Variants in EFTUD2 observed in about 807,000 individuals in gnomAD.
EFTUD2 encodes 116 kDa U5 small nuclear ribonucleoprotein component.
EFTUD2 carries 9 observed loss-of-function variants against 114.3 expected under a neutral mutation model. The ratio of observed to expected loss-of-function variants is 0.08; its 90% CI spans 0.05 to 0.14. The LOEUF (loss-of-function observed/expected upper bound fraction) is 0.14, where lower values mean the gene tolerates loss of function less well. Among genes scored for constraint, EFTUD2 ranks in the 10% least tolerant of loss-of-function variants. The pLI, the probability that EFTUD2 is intolerant of heterozygous loss-of-function variation, is 1.00. For synonymous variants in EFTUD2, 449 were observed against 462.3 expected (o/e 0.97, Z 0.37); for missense variants, 765 against 1,241.2 (o/e 0.62, Z 5.76).
At chr17:44,856,403 G>A (rs2050555058) in intron 20 of EFTUD2, among the ~76,000 whole-genome samples, 1 of 151,896 alleles carries the variant, frequency 6.6e-6, no homozygotes, top group South Asian at 2.1e-4. Context: ...GGTGGTGCGT[G>A]CATGTAATCC....
rs17628363 is a variant in EFTUD2, at chr17:44,879,430, T to C, written c.702+126A>G. On this transcript the variant is annotated intron_variant, in intron 9 of 27. Coordinates refer to ENST00000426333, the MANE Select transcript of EFTUD2 (RefSeq NM_004247.4). Reference sequence around the variant, plus strand: ...TTGCTGCTTTAATTTTAGAGCAAATTTGAGCCTTAATCCCAGAGAGTTTCA... The same window carrying C: ...TTGCTGCTTTAATTTTAGAGCAAATCTGAGCCTTAATCCCAGAGAGTTTCA... 0.11 allele frequency: 100,977 copies of C among 915,180 alleles called. 6,021 individuals are homozygous for C. The highest frequency in any genetic ancestry group is 0.22 in the Middle Eastern group (763 of 3,512). The allele number at this position is 915,180 out of a possible 1,614,324, so 56.7% of individuals were successfully genotyped here.
At position 44,860,429 on chromosome 17, in the gene EFTUD2, T is replaced by C. The variant is rs2050634764; in HGVS notation, c.1719+3A>G. ...ACCCAGTTGGTCTCTTCAGAAACTC[T>C]ACCTCCTCATTGCCTCGGGGTTCGG... On this transcript the variant is annotated splice_donor_region_variant and intron_variant, in intron 17 of 27. Transcript: ENST00000426333. The C allele has an allele frequency of 6.2e-7, 1 of 1,611,148 alleles. No individual in the cohort carries two copies. Among genetic ancestry groups the C allele is most frequent in the Non-Finnish European group, 8.5e-7 (1 of 1,177,464 alleles).
intron 3 of EFTUD2, among the ~76,000 whole-genome samples, chr17:44,885,933 A>G (rs1179223803): frequency 6.6e-6 from 1 of 151,938 alleles, no homozygotes; most frequent in Non-Finnish European, 1.5e-5. Flanking sequence ...CCAGCCTATG[A>G]AAACTATTAA....
intron 19 of EFTUD2, 135 bp downstream of exon 19, chr17:44,858,945 A>T (rs970239799): frequency 3.0e-6 from 2 of 672,678 alleles, no homozygotes; most frequent in Non-Finnish European, 5.4e-6. Context: ...ACCTTCCCAT[A>T]TAAGGAGCAA....
chr17:44,881,778 G>C, intron 6 of EFTUD2, 56 bp from the exon 7 acceptor site: 2 of 1,547,084 alleles, frequency 1.3e-6, no homozygotes, highest in Middle Eastern at 1.7e-4. Flanking sequence ...TCCCACAAAC[G>C]AACCATCAAT....
chr17:44,856,555 A>G (rs1200139653), intron 20 of EFTUD2, among the ~76,000 whole-genome samples: 1 of 150,426 alleles, frequency 6.6e-6, no homozygotes, highest in Non-Finnish European at 1.5e-5. Flanking sequence ...AGTAAGGTTT[A>G]AGCTGGGCAT....
rs924099235 is a variant in EFTUD2, at chr17:44,849,992, GCTAA to G, written c.*1278_*1281del. 1.7e-4 allele frequency: 39 copies of G among 230,868 alleles called. No individual in the cohort carries two copies. In the Admixed American group the frequency reaches 1.8e-3, roughly 11 times the overall value. The allele number at this position is 230,868 out of a possible 1,614,324, so 14.3% of individuals were successfully genotyped here. A position where few individuals can be genotyped will look rare whatever the true frequency, so the allele number is the denominator to read the frequency against. The stretch of plus-strand genomic sequence containing the variant: ...GAGATTAAAAAGCAGACAGCCACTT[GCTAA>G]CTGTGTGACAGTGGACAAATCTTTC... On this transcript the variant is annotated 3_prime_UTR_variant, in exon 28 of 28. Transcript: ENST00000426333.
chr17:44,863,187 T>C (rs982808356), intron 15 of EFTUD2: 5 of 323,948 alleles, frequency 1.5e-5, no homozygotes, highest in South Asian at 1.0e-4. Flanking sequence ...ATTGGCAAGA[T>C]TACTTACTGT....
chr17:44,852,226 CTT>C (rs879900558), intron 26 of EFTUD2, among the ~76,000 whole-genome samples, 181 bp downstream of exon 26: 12 of 145,010 alleles, frequency 8.3e-5, no homozygotes, highest in Admixed American at 1.4e-4. Flanking sequence ...CCTATTATTT[CTT>C]TTTTTTTTTT....
intron 26 of EFTUD2, among the ~76,000 whole-genome samples, chr17:44,852,019 G>A (rs576023888): frequency 1.3e-5 from 2 of 152,178 alleles, no homozygotes; most frequent in African/African-American, 4.8e-5. Context: ...CCGGGTTCAA[G>A]CGATTCTCCT....
intron 25 of EFTUD2, 109 bp from the exon 26 acceptor site, chr17:44,852,671 C>G (rs956569775): frequency 1.5e-6 from 2 of 1,326,194 alleles, no homozygotes; most frequent in Non-Finnish European, 2.1e-6. Context: ...GAGTTACCAT[C>G]AAAGAAAGAG....
At position 44,862,802 on chromosome 17, in the gene EFTUD2, A is replaced by G; in HGVS notation, c.1518T>C (p.Pro506=). 1 of 1,614,134 alleles carries G rather than the reference A, an allele frequency of 6.2e-7. No individual in the cohort carries two copies. Residue 506 remains proline, a synonymous_variant, in exon 16 of 28, where the codon CCT becomes CCC. Coordinates refer to ENST00000426333, the MANE Select transcript of EFTUD2 (RefSeq NM_004247.4). Reference sequence around the variant, plus strand: ...TGTAGTTCTCCCCCAGTACCTTCACAGGCTGCCCAGCATGAATGGTGCCAC... The same window carrying G: ...TGTAGTTCTCCCCCAGTACCTTCACGGGCTGCCCAGCATGAATGGTGCCAC... ...VLSGTIHAGQ[P]VKVLGENYTL...
Position 44,851,000 on chromosome 17 carries a change from C to T in EFTUD2, c.*274G>A. 2 of 443,714 alleles carry T rather than the reference C, an allele frequency of 4.5e-6. No homozygotes were observed. The highest frequency in any genetic ancestry group is 8.2e-6 in the Non-Finnish European group (2 of 243,976). 27.5% of individuals were successfully genotyped at this position (443,714 alleles called of 1,614,324 possible). A position where few individuals can be genotyped will look rare whatever the true frequency, so the allele number is the denominator to read the frequency against. Reference sequence around the variant, plus strand: ...CCATGTAAATCCCAAAGATAGGGCCCCTTGGGGTTTCATCCCCTTCTCTTT... The same window carrying T: ...CCATGTAAATCCCAAAGATAGGGCCTCTTGGGGTTTCATCCCCTTCTCTTT... On this transcript the variant is annotated 3_prime_UTR_variant, in exon 28 of 28. Transcript: ENST00000426333.
At chr17:44,880,463 G>T in intron 8 of EFTUD2, 91 bp downstream of exon 8, 1 of 873,976 alleles carries the variant, frequency 1.1e-6, no homozygotes. Context: ...TAAAAACAAA[G>T]ATGCACTGCT....
intron 20 of EFTUD2, 27 bp from the exon 21 acceptor site, chr17:44,855,031 G>A: frequency 6.3e-7 from 1 of 1,594,966 alleles, no homozygotes; most frequent in East Asian, 2.2e-5. Flanking sequence ...TGGGTGGTAA[G>A]GACGGCTAAC....
At chr17:44,870,811 A>G (rs1198334253) in intron 11 of EFTUD2, among the ~76,000 whole-genome samples, 1 of 152,080 alleles carries the variant, frequency 6.6e-6, no homozygotes, top group Non-Finnish European at 1.5e-5. Context: ...CGAGGTCAGG[A>G]GTTCGAGACC....
rs1171938074 is a variant in EFTUD2, at chr17:44,875,924, G to A, written c.869+10C>T. The A allele has an allele frequency of 6.2e-7, 1 of 1,611,784 alleles. No homozygotes were observed. Among genetic ancestry groups the A allele is most frequent in the Admixed American group, 1.7e-5 (1 of 59,956 alleles). Reference sequence around the variant, plus strand: ...CGAGGACAGGAAATCCACTCCCAGGGGTTTTCTACCTTATTAATCCATTGA... The same window carrying A: ...CGAGGACAGGAAATCCACTCCCAGGAGTTTTCTACCTTATTAATCCATTGA... On this transcript the variant is annotated intron_variant, in intron 10 of 27. Coordinates refer to ENST00000426333, the MANE Select transcript of EFTUD2 (RefSeq NM_004247.4).
At chr17:44,873,052 TA>T (rs1181461633) in intron 10 of EFTUD2, 1 of 152,654 alleles carries the variant, frequency 6.6e-6, no homozygotes, top group Non-Finnish European at 1.5e-5. Flanking sequence ...TTTACAGTGT[TA>T]AAACTTTCAA....
Position 44,883,154 on chromosome 17 carries a change from C to A in EFTUD2, c.431G>T (p.Cys144Phe). 6.2e-7 allele frequency: 1 copy of A among 1,614,080 alleles called. No individual in the cohort carries two copies. Among genetic ancestry groups the A allele is most frequent in the South Asian group, 1.1e-5 (1 of 91,072 alleles). ...CTGTTCAATTAAACAATCCACAAAA[C>A]ATGTCTAAAAGGGAAGAAACAGTTA... ...LCGHLHHGKTCFVDCLIEQTH... is the reference protein window; with the variant it reads ...LCGHLHHGKTFFVDCLIEQTH... Residue 144 changes from cysteine to phenylalanine, a missense_variant, in exon 6 of 28, where the codon TGT becomes TTT. Cys to Phe is a radical substitution (Grantham distance 205). Coordinates refer to ENST00000426333, the MANE Select transcript of EFTUD2 (RefSeq NM_004247.4).
Sources: allele counts gnomAD v4.1 joint callset (sites outside exome capture counted in the v4.1 genomes callset), GRCh38; gene constraint gnomAD v4.1.1; transcripts MANE v1.5; gene names NCBI Gene and HGNC (gene_info 2026-07-23, HGNC 2026-07-21).